Variants in C2CD5 observed in about 807,000 individuals in gnomAD.
The protein encoded by C2CD5 is C2 calcium dependent domain containing 5.
C2CD5 carries 109 observed loss-of-function variants against 130.3 expected under a neutral mutation model. The ratio of observed to expected loss-of-function variants is 0.84; its 90% CI spans 0.72 to 0.98. The LOEUF is 0.98. Among genes scored for constraint, C2CD5 ranks in the 50% least tolerant of loss-of-function variants. C2CD5 has a pLI of 0.00. For missense variants in C2CD5, 996 were observed against 1,261.8 expected, an observed-to-expected ratio of 0.79 and a Z score of 3.19; for synonymous variants, 454 against 429.2, an observed-to-expected ratio of 1.06 and a Z score of -0.71.
chr12:22,499,571 C>T (rs1160121526), intron 10 of C2CD5, among the ~76,000 whole-genome samples: 1 of 152,148 alleles, frequency 6.6e-6, no homozygotes, highest in East Asian at 1.9e-4. Flanking sequence ...ACCTAGGTTA[C>T]CTATGTAGCC....
At chr12:22,537,389 C>T (rs1404667908) in intron 2 of C2CD5, among the ~76,000 whole-genome samples, 1 of 152,142 alleles carries the variant, frequency 6.6e-6, no homozygotes. Context: ...AAGACCCAGT[C>T]TTTCAAACAA....
At chr12:22,499,295 A>G (rs1003078576) in intron 10 of C2CD5, among the ~76,000 whole-genome samples, 8 of 152,166 alleles carry the variant, frequency 5.3e-5, no homozygotes, top group Non-Finnish European at 1.5e-5. Flanking sequence ...TCCTGCTGTT[A>G]TTATACTCAA....
At chr12:22,462,970 G>C (rs1187680576) in intron 22 of C2CD5, among the ~76,000 whole-genome samples, 1 of 152,048 alleles carries the variant, frequency 6.6e-6, no homozygotes, top group Non-Finnish European at 1.5e-5. Flanking sequence ...AGTGGTCCCA[G>C]CTACTCAGGA....
chr12:22,488,830 G>A (rs1269397483), intron 12 of C2CD5, among the ~76,000 whole-genome samples: 1 of 150,840 alleles, frequency 6.6e-6, no homozygotes, highest in Non-Finnish European at 1.5e-5. Flanking sequence ...AGTTATAAAT[G>A]CGTGCAAGTT....
intron 22 of C2CD5, chr12:22,460,729 C>T (rs1235910928): frequency 4.6e-5 from 7 of 151,948 alleles, no homozygotes; most frequent in Admixed American, 3.3e-4. Flanking sequence ...AGGCACCCAC[C>T]ACCACGCCCG....
intron 12 of C2CD5, among the ~76,000 whole-genome samples, chr12:22,488,282 T>C (rs1483621389): frequency 6.6e-6 from 1 of 152,182 alleles, no homozygotes; most frequent in Non-Finnish European, 1.5e-5. Context: ...GACAGCTGAC[T>C]TCAAGGCAAG....
intron 26 of C2CD5, among the ~76,000 whole-genome samples, chr12:22,452,248 T>C (rs565348638): frequency 1.1e-4 from 16 of 152,332 alleles, no homozygotes; most frequent in African/African-American, 3.8e-4. Context: ...AGATGCGTTC[T>C]TTACGACCAG....
Position 22,497,246 on chromosome 12 carries a change from G to C in C2CD5, c.1148-3909C>G, listed in dbSNP as rs1191326711. Among the ~76,000 whole-genome samples the C allele has an allele frequency of 2.6e-5, 4 of 151,968 alleles. No individual in the cohort carries two copies. In the East Asian group the frequency reaches 7.7e-4, roughly 29 times the overall value. On this transcript the variant is annotated intron_variant, in intron 10 of 26. Transcript: ENST00000446597. ...AATGTTTTAAAGCAGAGTGACTATAGTTACCAACACTGTACTGTATATGTC... is the reference window on the plus strand; with the variant it reads ...AATGTTTTAAAGCAGAGTGACTATACTTACCAACACTGTACTGTATATGTC...
In C2CD5 at chr12:22,475,109, A is replaced by G. The variant is rs559297849; in HGVS notation, c.1903-218T>C. On this transcript the variant is annotated intron_variant, in intron 15 of 26. Transcript: ENST00000446597. ...AGAAAAATATATATAACTGTCACAGACATAACAAGATAAAACTGACATCTA... is the reference window on the plus strand; with the variant it reads ...AGAAAAATATATATAACTGTCACAGGCATAACAAGATAAAACTGACATCTA... Among the ~76,000 whole-genome samples, 17 of 152,278 alleles carry G rather than the reference A, an allele frequency of 1.1e-4. No individual in the cohort carries two copies. The East Asian group carries it at 3.3e-3, about 29-fold the overall frequency.
In C2CD5 at chr12:22,518,129, A is replaced by T. The variant is rs1565777352; in HGVS notation, c.809T>A (p.Phe270Tyr). The change falls in exon 8 of 27, where the codon TTC (phenylalanine) becomes TAC (tyrosine). Residue 270 changes from phenylalanine (F) to tyrosine (Y), a missense_variant. By Grantham distance (22) the Phe-to-Tyr change is conservative. Transcript: ENST00000446597. ...AGTATTGGGATTGGGATCTTCATTGAAGGGAATCCTGCCAGAAGAAGGTGG... is the reference window on the plus strand; with the variant it reads ...AGTATTGGGATTGGGATCTTCATTGTAGGGAATCCTGCCAGAAGAAGGTGG... The part of the protein sequence containing the change: ...SPSKEMKEIP[F>Y]NEDPNPNTHS... 1.7e-5 allele frequency: 28 copies of T among 1,613,668 alleles called. No individual in the cohort carries two copies. Among genetic ancestry groups the T allele is most frequent in the Non-Finnish European group, 2.4e-5 (28 of 1,179,688 alleles).
At chr12:22,498,801 G>T (rs1478677818) in intron 10 of C2CD5, among the ~76,000 whole-genome samples, 1 of 152,010 alleles carries the variant, frequency 6.6e-6, no homozygotes, top group East Asian at 1.9e-4. Context: ...TACTAACTCA[G>T]GACTTAAAAT....
chr12:22,491,790 T>G (rs545666243), intron 11 of C2CD5, among the ~76,000 whole-genome samples: 2 of 152,072 alleles, frequency 1.3e-5, no homozygotes, highest in Non-Finnish European at 2.9e-5. Flanking sequence ...GAGAATCACT[T>G]GAACCCGGGA....
rs149777462 is a variant in C2CD5, at chr12:22,488,875, CT to C, written c.1358+1247del. On this transcript the variant is annotated intron_variant, in intron 12 of 26. Transcript: ENST00000446597. Reference sequence around the variant, plus strand: ...CTTGACAAGATACAGAATTTTTTTGCTTTTTTTTTTTTTTTAAATAGAGTCT... The same window carrying C: ...CTTGACAAGATACAGAATTTTTTTGCTTTTTTTTTTTTTTAAATAGAGTCT... Among the ~76,000 whole-genome samples, 839 of 137,432 alleles carry C rather than the reference CT, an allele frequency of 6.1e-3. 5 individuals carry two copies. The highest frequency in any genetic ancestry group is 0.046 in the East Asian group (222 of 4,810). 90.2% of individuals were successfully genotyped at this position (137,432 alleles called of 152,430 possible).
chr12:22,467,366 T>G (rs955289273), intron 22 of C2CD5, among the ~76,000 whole-genome samples: 2 of 151,952 alleles, frequency 1.3e-5, no homozygotes, highest in African/African-American at 2.4e-5. Context: ...AAGAGACTCC[T>G]AGGCTCAAGC....
chr12:22,458,037 A>G (rs926666461), intron 24 of C2CD5, among the ~76,000 whole-genome samples: 7 of 152,190 alleles, frequency 4.6e-5, no homozygotes, highest in South Asian at 2.1e-4. Flanking sequence ...AAGATAACAT[A>G]TAAGTAATGA....
intron 22 of C2CD5, among the ~76,000 whole-genome samples, chr12:22,469,487 T>A (rs1249079318): frequency 6.6e-6 from 1 of 152,112 alleles, no homozygotes; most frequent in Admixed American, 6.6e-5. Flanking sequence ...GAGAATAGAA[T>A]ATCATAGGAA....
intron 10 of C2CD5, chr12:22,497,473 T>TAAATTAGATTGAATAACTGTCCATTTTAA: frequency 1.1e-5 from 2 of 189,122 alleles, no homozygotes; most frequent in East Asian, 1.9e-4. Context: ...ATCTAATTTA[T>TAAATTAGATTGAATAACTGTCCATTTTAA]AAATCAACAA....
intron 10 of C2CD5, among the ~76,000 whole-genome samples, chr12:22,499,402 G>C (rs1947458737): frequency 6.6e-6 from 1 of 152,152 alleles, no homozygotes; most frequent in South Asian, 2.1e-4. Context: ...TTCACCTTTG[G>C]AAAACTACTG....
At chr12:22,532,052 C>T (rs1308886690) in intron 3 of C2CD5, among the ~76,000 whole-genome samples, 3 of 152,090 alleles carry the variant, frequency 2.0e-5, no homozygotes, top group Admixed American at 1.3e-4. Flanking sequence ...AAATATTATT[C>T]CCAGGCCGGG....
Sources: allele counts gnomAD v4.1 joint callset (sites outside exome capture counted in the v4.1 genomes callset), GRCh38; gene constraint gnomAD v4.1.1; transcripts MANE v1.5; gene names NCBI Gene and HGNC (gene_info 2026-07-23, HGNC 2026-07-21).